SPEG: variants seen among roughly 807,000 people sequenced by gnomAD.
SPEG encodes the protein striated muscle enriched protein kinase, also known as striated muscle preferentially expressed protein kinase.
In SPEG, 114 loss-of-function variants were observed where a neutral mutation model predicts 300.4. That is an observed-to-expected ratio of 0.38 (90% CI 0.33 to 0.44). The LOEUF (loss-of-function observed/expected upper bound fraction) is 0.44, where lower values mean the gene tolerates loss of function less well. Among genes scored for constraint, SPEG ranks in the 20% least tolerant of loss-of-function variants. SPEG has a pLI of 1.00. For synonymous variants in SPEG, 1,964 were observed against 2,018.9 expected, an observed-to-expected ratio of 0.97 and a Z score of 0.73; for missense variants, 4,201 against 4,586.2, an observed-to-expected ratio of 0.92 and a Z score of 2.43.
intron 3 of SPEG, among the ~76,000 whole-genome samples, chr2:219,447,586 C>CA (rs769501181): frequency 3.3e-5 from 5 of 152,042 alleles, no homozygotes; most frequent in Admixed American, 6.5e-5. Context: ...GAGAACGCCC[C>CA]TCCCCACCCC....
In SPEG at chr2:219,484,185, C is replaced by T; in HGVS notation, c.6722C>T (p.Pro2241Leu). 6.2e-7 allele frequency: 1 copy of T among 1,612,636 alleles called. No individual in the cohort carries two copies. Among genetic ancestry groups the T allele is most frequent in the Admixed American group, 1.7e-5 (1 of 59,956 alleles). Residue 2241 changes from proline (P) to leucine (L), a missense_variant, in exon 30 of 41, where the codon CCC (proline) becomes CTC (leucine). Coordinates refer to ENST00000312358, the MANE Select transcript of SPEG (RefSeq NM_005876.5). The stretch of plus-strand genomic sequence containing the variant: ...CAGGCCCTGCAAACCCTAGCGCTGC[C>T]CCTCACACCCTATGCTCAGATCATT... ...PPQALQTLAL[P>L]LTPYAQIIQS...
chr2:219,478,988 G>A (rs75748213), intron 22 of SPEG, among the ~76,000 whole-genome samples, 156 bp from the exon 23 acceptor site: 1 of 152,276 alleles, frequency 6.6e-6, no homozygotes, highest in African/African-American at 2.4e-5. Flanking sequence ...AGGTGGGGAG[G>A]GGGTACACGT....
Position 219,480,684 on chromosome 2 carries a change from G to A in SPEG, c.5356G>A (p.Val1786Ile), listed in dbSNP as rs753627449. Residue 1786 changes from valine (V) to isoleucine (I), a missense_variant, in exon 26 of 41, where the codon GTT (valine) becomes ATT (isoleucine). Val to Ile is a conservative substitution (Grantham distance 29, BLOSUM62 3). Transcript: ENST00000312358. The surrounding 1 kb of genome is among the most constrained non-coding windows in gnomAD (Gnocchi z 5.3). ...CTTTTCCCACAGGCCTGTGGGTGTT[G>A]TTGCCTTCCTCTGGTAAGGACCCCT... ...GVTDIWPVGV[V>I]AFLCLTGISP... The A allele has an allele frequency of 6.2e-7, 1 of 1,613,964 alleles. No individual in the cohort carries two copies. The highest frequency in any genetic ancestry group is 8.5e-7 in the Non-Finnish European group (1 of 1,179,902).
chr2:219,437,989 A>G (rs970114656), intron 1 of SPEG, among the ~76,000 whole-genome samples: 1 of 152,192 alleles, frequency 6.6e-6, no homozygotes, highest in Non-Finnish European at 1.5e-5. Flanking sequence ...AATAAGACAA[A>G]GTGATGCTAG....
rs368733695 is a variant in SPEG, at chr2:219,484,450, G to A, written c.6987G>A (p.Ser2329=). 2.9e-5 allele frequency: 46 copies of A among 1,611,390 alleles called. No individual in the cohort carries two copies. In the African/African-American group the frequency reaches 4.3e-4, roughly 15 times the overall value. Residue 2329 remains serine, a synonymous_variant, in exon 30 of 41, where the codon TCG becomes TCA. Transcript: ENST00000312358. ...SLSSSIENLE[S]EAVFEAKFKR... ...GTAGCAGCATCGAAAACTTGGAGTC[G>A]GAGGCCGTGTTCGAGGCCAAGTTCA...
Position 219,490,607 on chromosome 2 carries a change from G to C in SPEG, c.9120G>C (p.Glu3040Asp). The part of the protein sequence containing the change: ...ITPRYLVLIA[E>D]SCGNRELLCG... ...CTCGGTACCTCGTGCTCATTGCTGA[G>C]AGCTGTGGCAACCGGGAACTCCTCT... Residue 3040 changes from glutamate to aspartate, a missense_variant, in exon 37 of 41, where the codon GAG becomes GAC. Physicochemically the swap from Glu to Asp is conservative, Grantham distance 45 (BLOSUM62 2). Around this residue, in one of 4 missense-constraint regions of SPEG, gnomAD observed 318 missense variants for 429.5 expected, o/e 0.74. Transcript: ENST00000312358. 6.2e-7 allele frequency: 1 copy of C among 1,612,854 alleles called. No individual in the cohort carries two copies. Among genetic ancestry groups the C allele is most frequent in the East Asian group, 2.2e-5 (1 of 44,854 alleles).
At chr2:219,454,278 C>T (rs1396189149) in intron 6 of SPEG, among the ~76,000 whole-genome samples, 1 of 152,208 alleles carries the variant, frequency 6.6e-6, no homozygotes, top group African/African-American at 2.4e-5. Flanking sequence ...CGGAAAGGAG[C>T]TGGTCCTCAC....
intron 1 of SPEG, 38 bp downstream of exon 1, chr2:219,435,403 G>T: frequency 6.6e-7 from 1 of 1,504,986 alleles, no homozygotes; most frequent in Non-Finnish European, 8.8e-7. Context: ...GCAGGGGCGG[G>T]GTGCTCAGAG....
rs187387616 is a variant in SPEG at position 219,456,356 on chromosome 2, C to T, written c.2440+4549C>T. ...GTGGCTGCCGTTGGGGAGGATGCCA[C>T]ATGGCCCCCATCGTCAGTCCTCGAT... On this transcript the variant is annotated intron_variant, in intron 6 of 40. Transcript: ENST00000312358. Among the ~76,000 whole-genome samples, 175 of 152,380 alleles carry T rather than the reference C, an allele frequency of 1.1e-3. 2 individuals carry two copies. The highest frequency in any genetic ancestry group is 1.5e-3 in the Non-Finnish European group (103 of 68,042).
In SPEG at chr2:219,435,079, G is replaced by A. The variant is rs759736821; in HGVS notation, c.102G>A (p.Gly34=). The A allele has an allele frequency of 2.0e-6, 3 of 1,467,952 alleles. No homozygotes were observed. The highest frequency in any genetic ancestry group is 8.9e-7 in the Non-Finnish European group (1 of 1,119,712). The allele number at this position is 1,467,952 out of a possible 1,614,324, so 90.9% of individuals were successfully genotyped here. The change falls in exon 1 of 41, where the codon GGG becomes GGA. Residue 34 remains glycine, a synonymous_variant. Coordinates refer to ENST00000312358, the MANE Select transcript of SPEG (RefSeq NM_005876.5). The stretch of plus-strand genomic sequence containing the variant: ...GGGCCAAGGTGGGGGCCGGCGGCGG[G>A]GCTCCTGTGGCCGTGGCCGGGGCGC... ...PKRAKVGAGG[G]APVAVAGAPV...
chr2:219,490,918 G>A lies in SPEG; in HGVS notation c.9347G>A (p.Arg3116Lys). ...SAQPYNPQAL[R>K]PLGHRTGTLE... The stretch of plus-strand genomic sequence containing the variant: ...CAGCCCTACAACCCCCAGGCCCTTA[G>A]GCCCCTTGGCCACCGCACGGGCACG... Residue 3116 changes from arginine (R) to lysine (K), a missense_variant, in exon 38 of 41, where the codon AGG (arginine) becomes AAG (lysine). By Grantham distance (26) the Arg-to-Lys change is conservative (BLOSUM62 2). This residue lies in a region of SPEG where 318 missense variants were observed against 429.5 expected (regional missense o/e 0.74). Coordinates refer to ENST00000312358, the MANE Select transcript of SPEG (RefSeq NM_005876.5). 6.2e-7 allele frequency: 1 copy of A among 1,613,578 alleles called. No homozygotes were observed. Among genetic ancestry groups the A allele is most frequent in the Non-Finnish European group, 8.5e-7 (1 of 1,179,990 alleles).
At chr2:219,470,963 TTC>T (rs1423775225) in intron 13 of SPEG, among the ~76,000 whole-genome samples, 2 of 101,572 alleles carry the variant, frequency 2.0e-5, no homozygotes, top group South Asian at 7.9e-4. Context: ...GTGTGTGAGG[TTC>T]TGGGTCTGGT....
rs767440513 is a variant in SPEG, at chr2:219,445,050, G to A, written c.704G>A (p.Arg235Gln). Residue 235 changes from arginine to glutamine, a missense_variant, in exon 3 of 41, where the codon CGA becomes CAA. By Grantham distance (43) the Arg-to-Gln change is conservative. This residue lies in a region of SPEG where 1,258 missense variants were observed against 1,293.9 expected (regional missense o/e 0.97). Transcript: ENST00000312358. The surrounding 1 kb of genome is among the most constrained non-coding windows in gnomAD (Gnocchi z 6.1). ...LGVEPLVRAS[R>Q]ANLVGASWGS... ...GTGGAGCCGCTGGTGCGGGCATCTC[G>A]AGCTAATCTGGTGGGCGCAAGCTGG... is the stretch of plus-strand genomic sequence containing the variant. 22 of 1,607,056 alleles carry A rather than the reference G, an allele frequency of 1.4e-5. No homozygotes were observed. The highest frequency in any genetic ancestry group is 5.1e-5 in the Admixed American group (3 of 59,102).
In SPEG at chr2:219,483,483, G is replaced by C. The variant is rs747077634; in HGVS notation, c.6020G>C (p.Arg2007Pro). Reference sequence around the variant, plus strand: ...CCCGCAGCTGGGGCTAGCCCCAGGCGGGGAGAGCTCCGCAGGGGCAGCTCG... The same window carrying C: ...CCCGCAGCTGGGGCTAGCCCCAGGCCGGGAGAGCTCCGCAGGGGCAGCTCG... ...QEPAAGASPR[R>P]GELRRGSSAE... The change falls in exon 30 of 41, where the codon CGG (arginine) becomes CCG (proline). Residue 2007 changes from arginine to proline, a missense_variant. By Grantham distance (103) the Arg-to-Pro change is moderately radical (BLOSUM62 -2). Transcript: ENST00000312358. 2.8e-5 allele frequency: 40 copies of C among 1,453,886 alleles called. 1 individual carries two copies. Among genetic ancestry groups the C allele is most frequent in the Non-Finnish European group, 2.6e-5 (29 of 1,114,358 alleles). 90.1% of individuals were successfully genotyped at this position (1,453,886 alleles called of 1,614,324 possible).
chr2:219,489,011 C>T (rs770732409), intron 34 of SPEG, 43 bp from the exon 35 acceptor site: 99 of 1,609,020 alleles, frequency 6.2e-5, no homozygotes, highest in Non-Finnish European at 7.8e-5. Context: ...GAGCTGGGGC[C>T]ACCGCTTCTG....
rs1687991738 is a variant in SPEG at position 219,448,034 on chromosome 2, C to T, written c.876C>T (p.Ser292=). The change falls in exon 4 of 41, where the codon AGC becomes AGT. Residue 292 remains serine, a synonymous_variant. Transcript: ENST00000312358. ...CCGACCTTCAGCCTCAACTGGCCAG[C>T]GAAGCCCCACGCCGCCCTGCCCAGC... The part of the protein sequence containing the change: ...EEPDLQPQLA[S]EAPRRPAQPP... 1.2e-6 allele frequency: 2 copies of T among 1,611,990 alleles called. No individual in the cohort carries two copies. Among genetic ancestry groups the T allele is most frequent in the Non-Finnish European group, 8.5e-7 (1 of 1,179,818 alleles).
At chr2:219,472,518 A>AGGAGGCAC (rs1008592267) in intron 15 of SPEG, among the ~76,000 whole-genome samples, 187 bp downstream of exon 15, 2 of 152,056 alleles carry the variant, frequency 1.3e-5, no homozygotes, top group Non-Finnish European at 1.5e-5. Context: ...GGGTGAGGAG[A>AGGAGGCAC]GGAGGCACGG....
At chr2:219,476,728 G>T in intron 18 of SPEG, 142 bp from the exon 19 acceptor site, 2 of 614,024 alleles carry the variant, frequency 3.3e-6, no homozygotes, top group Non-Finnish European at 5.7e-6. Context: ...TGGGGGTGGG[G>T]GGTGGTGGCT....
At position 219,489,538 on chromosome 2, in the gene SPEG, A is replaced by C; in HGVS notation, c.8520A>C (p.Pro2840=). 1 of 1,600,568 alleles carries C rather than the reference A, an allele frequency of 6.2e-7. No individual in the cohort carries two copies. Among genetic ancestry groups the C allele is most frequent in the African/African-American group, 1.4e-5 (1 of 69,832 alleles). ...TGTCCTCGCTCAAGGCTGTGGGTCC[A>C]CCACCCCAAACCCCTCCACGAAGAC... ...QALSSLKAVG[P]PPQTPPRRHR... Residue 2840 remains proline, a synonymous_variant, in exon 36 of 41, where the codon CCA becomes CCC. Transcript: ENST00000312358.
Sources: gnomAD v4.1 joint callset for allele counts (sites outside exome capture counted in the v4.1 genomes callset) on GRCh38, gnomAD v4.1.1 for gene constraint, gnomAD v4.1.1 regional missense constraint, Gnocchi (gnomAD v3.1) non-coding constraint, MANE v1.5 for transcripts, NCBI Gene and HGNC (gene_info 2026-07-23, HGNC 2026-07-21) for gene names.